ITGBL1: variants seen among roughly 807,000 people sequenced by gnomAD.
ITGBL1 encodes the protein integrin beta-like protein 1.
A neutral mutation model predicts 68.5 loss-of-function variants in ITGBL1; 51 were observed. That is an observed-to-expected ratio of 0.74 (90% CI 0.59 to 0.94). The LOEUF is 0.94. Ranked by LOEUF, ITGBL1 falls within the 40% of genes least tolerant of loss-of-function variation. The pLI, the probability that ITGBL1 is intolerant of heterozygous loss-of-function variation, is 0.00. For synonymous variants in ITGBL1, 209 were observed against 227.3 expected, an observed-to-expected ratio of 0.92 and a Z score of 0.72; for missense variants, 649 against 647.4, an observed-to-expected ratio of 1.00 and a Z score of -0.03.
At chr13:101,708,056 CACACACACACACAT>C (rs1451159983) in intron 9 of ITGBL1, among the ~76,000 whole-genome samples, 5 of 128,224 alleles carry the variant, frequency 3.9e-5, no homozygotes, top group African/African-American at 2.8e-5. Context: ...CACACACACA[CACACACACACACAT>C]ACACACAAAT....
At chr13:101,622,799 T>C (rs1482014985) in intron 7 of ITGBL1, among the ~76,000 whole-genome samples, 1 of 152,116 alleles carries the variant, frequency 6.6e-6, no homozygotes, top group Non-Finnish European at 1.5e-5. Context: ...CTTTATTTAA[T>C]TTAATACGAG....
intron 2 of ITGBL1, among the ~76,000 whole-genome samples, chr13:101,553,638 G>A (rs1372255615): frequency 6.6e-6 from 1 of 152,094 alleles, no homozygotes; most frequent in Non-Finnish European, 1.5e-5. Flanking sequence ...GGTTCCTCCT[G>A]AGGGTTATGC....
intron 5 of ITGBL1, among the ~76,000 whole-genome samples, chr13:101,580,143 G>A (rs2050430783): frequency 6.6e-6 from 1 of 151,928 alleles, no homozygotes; most frequent in African/African-American, 2.4e-5. Flanking sequence ...AGTTTTCATT[G>A]CCTATCCAAT....
intron 7 of ITGBL1, among the ~76,000 whole-genome samples, chr13:101,651,984 T>A (rs1451650690): frequency 6.6e-6 from 1 of 152,210 alleles, no homozygotes; most frequent in Non-Finnish European, 1.5e-5. Context: ...TGGTTATAGA[T>A]GTGCAGTCTT....
Position 101,605,688 on chromosome 13 carries a change from A to G in ITGBL1, c.1015+7389A>G, listed in dbSNP as rs145528258. Among the ~76,000 whole-genome samples the G allele has an allele frequency of 2.6e-3, 399 of 151,716 alleles. 1 individual carries two copies. The highest frequency in any genetic ancestry group is 9.1e-3 in the African/African-American group (378 of 41,456). On this transcript the variant is annotated intron_variant, in intron 7 of 10. Transcript: ENST00000376180. ...TAGACATGTATGTGTTTATGCGTAT[A>G]CACGTATGTAGACTTATGTATGTGC...
chr13:101,527,021 T>C (rs1292735471), intron 2 of ITGBL1, among the ~76,000 whole-genome samples: 2 of 152,138 alleles, frequency 1.3e-5, no homozygotes, highest in Non-Finnish European at 2.9e-5. Flanking sequence ...CTAGATACCT[T>C]CTTTGATTCT....
At chr13:101,618,654 A>G (rs2031463173) in intron 7 of ITGBL1, among the ~76,000 whole-genome samples, 2 of 152,168 alleles carry the variant, frequency 1.3e-5, no homozygotes, top group Non-Finnish European at 2.9e-5. Context: ...ACCCGTGTAC[A>G]TACGCATGCA....
At chr13:101,711,915 G>C (rs2034485359) in intron 9 of ITGBL1, 2 of 152,434 alleles carry the variant, frequency 1.3e-5, no homozygotes, top group South Asian at 2.1e-4. Flanking sequence ...TCTCTGGCTA[G>C]GCTGGGTCTC....
chr13:101,490,074 G>T, intron 2 of ITGBL1: 1 of 934,682 alleles, frequency 1.1e-6, no homozygotes, highest in Non-Finnish European at 1.6e-6. Context: ...CCAAAATTCT[G>T]TGTTGAAATT....
chr13:101,685,255 T>C (rs1227961190), intron 7 of ITGBL1, among the ~76,000 whole-genome samples: 5 of 152,038 alleles, frequency 3.3e-5, no homozygotes, highest in African/African-American at 1.2e-4. Context: ...ACTATGACTT[T>C]ATATGCAAAG....
intron 7 of ITGBL1, among the ~76,000 whole-genome samples, chr13:101,679,864 C>T (rs940939513): frequency 6.6e-6 from 1 of 152,142 alleles, no homozygotes; most frequent in Non-Finnish European, 1.5e-5. Context: ...ATTTTAGACA[C>T]TCTAAGACAG....
chr13:101,625,506 A>G (rs1217604139), intron 7 of ITGBL1, among the ~76,000 whole-genome samples: 1 of 152,102 alleles, frequency 6.6e-6, no homozygotes, highest in Non-Finnish European at 1.5e-5. Flanking sequence ...CTGCACTGCA[A>G]GGGCTCATCA....
chr13:101,719,094 TGTG>T (rs1424016589), downstream of ITGBL1: 1 of 152,162 alleles, frequency 6.6e-6, no homozygotes, highest in Non-Finnish European at 1.5e-5. Flanking sequence ...TGTTAGTCAA[TGTG>T]GTCTCTTTTT....
intron 2 of ITGBL1, among the ~76,000 whole-genome samples, chr13:101,461,025 C>A (rs755297314): frequency 6.6e-6 from 1 of 152,118 alleles, no homozygotes; most frequent in South Asian, 2.1e-4. Context: ...TTGCCCTGGA[C>A]TAGGTCATCC....
chr13:101,716,767 CA>C (rs1305211926), downstream of ITGBL1: 1 of 132,190 alleles, frequency 7.6e-6, no homozygotes, highest in Non-Finnish European at 1.6e-5. Context: ...AAAATGGCAC[CA>C]ATCTCAGAAG....
intron 7 of ITGBL1, among the ~76,000 whole-genome samples, chr13:101,623,051 TAAAC>T (rs1170238573): frequency 2.0e-5 from 3 of 152,232 alleles, no homozygotes; most frequent in East Asian, 3.9e-4. Context: ...ATTTTGCAGA[TAAAC>T]AATTTGAATT....
At chr13:101,701,584 A>G (rs1403990419) in intron 8 of ITGBL1, among the ~76,000 whole-genome samples, 2 of 152,160 alleles carry the variant, frequency 1.3e-5, no homozygotes, top group Non-Finnish European at 2.9e-5. Flanking sequence ...ATTTTCTTGC[A>G]TAACATTTTA....
chr13:101,503,495 C>G (rs1248778984), intron 2 of ITGBL1, among the ~76,000 whole-genome samples: 1 of 151,978 alleles, frequency 6.6e-6, no homozygotes, highest in African/African-American at 2.4e-5. Context: ...AAGAAAGGGC[C>G]CCCAGGTGGG....
chr13:101,696,913 C>T (rs1594988422), intron 8 of ITGBL1, among the ~76,000 whole-genome samples: 1 of 151,990 alleles, frequency 6.6e-6, no homozygotes, highest in South Asian at 2.1e-4. Flanking sequence ...GTGATTTGGA[C>T]CTTGAACAAC....
Sources: allele counts gnomAD v4.1 joint callset (sites outside exome capture counted in the v4.1 genomes callset), GRCh38; gene constraint gnomAD v4.1.1; transcripts MANE v1.5; gene names NCBI Gene and HGNC (gene_info 2026-07-23, HGNC 2026-07-21).